RPS6KB1: variants seen among roughly 807,000 people sequenced by gnomAD.
RPS6KB1 encodes ribosomal protein S6 kinase beta-1.
RPS6KB1 carries 12 observed loss-of-function variants against 70.2 expected under a neutral mutation model. That is an observed-to-expected ratio of 0.17 (90% confidence interval 0.11 to 0.28). The LOEUF (loss-of-function observed/expected upper bound fraction) is 0.28. Among genes scored for constraint, RPS6KB1 ranks in the 10% least tolerant of loss-of-function variants. RPS6KB1 has a pLI of 1.00. For synonymous variants in RPS6KB1, 175 were observed against 211.2 expected, an observed-to-expected ratio of 0.83 and a Z score of 1.49; for missense variants, 270 against 646.6, an observed-to-expected ratio of 0.42 and a Z score of 6.32.
chr17:59,931,785 C>T (rs1476568347), intron 7 of RPS6KB1, 63 bp downstream of exon 7: 10 of 1,179,424 alleles, frequency 8.5e-6, no homozygotes, highest in East Asian at 7.2e-5. Flanking sequence ...CCACATAGGT[C>T]GTGGCCATTT....
At position 59,926,447 on chromosome 17, in the gene RPS6KB1, A is replaced by G; in HGVS notation, c.394A>G (p.Arg132Gly). The G allele has an allele frequency of 6.2e-7, 1 of 1,605,286 alleles. No individual in the cohort carries two copies. Among genetic ancestry groups the G allele is most frequent in the Non-Finnish European group, 8.5e-7 (1 of 1,174,306 alleles). Residue 132 changes from arginine (R) to glycine (G), a missense_variant, in exon 5 of 15, where the codon AGA becomes GGA. This residue lies in a region of RPS6KB1 where 44 missense variants were observed against 102.5 expected (regional missense o/e 0.43). Coordinates refer to ENST00000225577, the MANE Select transcript of RPS6KB1 (RefSeq NM_003161.4). The stretch of plus-strand genomic sequence containing the variant: ...TCTTTTCCTTTAGGCAATGATAGTA[A>G]GAAATGCTAAAGATACAGCTCATAC... ...MKVLKKAMIV[R>G]NAKDTAHTKA...
intron 13 of RPS6KB1, among the ~76,000 whole-genome samples, chr17:59,942,545 G>C (rs746275096): frequency 9.9e-5 from 15 of 151,430 alleles, no homozygotes; most frequent in Admixed American, 8.5e-4. Context: ...ATTTGTTTTT[G>C]GACTACTCTA....
chr17:59,910,613 T>C lies in RPS6KB1; in HGVS notation c.191+2T>C. 6.4e-7 allele frequency: 1 copy of C among 1,558,756 alleles called. No individual in the cohort carries two copies. ...TGGGGGAGTTGGACCATATGAACTG[T>C]AAGTTTATATGAAGAGATTTTCATT... On this transcript the variant is annotated splice_donor_variant, in intron 2 of 14. Coordinates refer to ENST00000225577, the MANE Select transcript of RPS6KB1 (RefSeq NM_003161.4). LOFTEE classifies it high-confidence loss of function.
At chr17:59,927,931 G>T (rs955981790) in intron 5 of RPS6KB1, among the ~76,000 whole-genome samples, 3 of 151,832 alleles carry the variant, frequency 2.0e-5, no homozygotes, top group Non-Finnish European at 4.4e-5. Context: ...AGGCCAAGGT[G>T]GGCGGATCAT....
intron 1 of RPS6KB1, among the ~76,000 whole-genome samples, chr17:59,896,755 T>G (rs1347947181): frequency 6.6e-6 from 1 of 152,062 alleles, no homozygotes; most frequent in Non-Finnish European, 1.5e-5. Context: ...AGGAAGAGAC[T>G]TCTGTAAAAT....
intron 7 of RPS6KB1, among the ~76,000 whole-genome samples, chr17:59,932,839 C>T (rs1159962450): frequency 6.6e-5 from 10 of 152,176 alleles, no homozygotes; most frequent in Non-Finnish European, 2.9e-5. Context: ...AGGCATAACC[C>T]ACCTTCCCCC....
Position 59,947,177 on chromosome 17 carries a change from T to C in RPS6KB1, c.*389T>C, listed in dbSNP as rs1218392820. ...ATTAGGCAAAGTACAAAATTGCCTATAATACTTGCAACTAAGGACAAATTA... is the reference window on the plus strand; with the variant it reads ...ATTAGGCAAAGTACAAAATTGCCTACAATACTTGCAACTAAGGACAAATTA... On this transcript the variant is annotated 3_prime_UTR_variant, in exon 15 of 15. Coordinates refer to ENST00000225577, the MANE Select transcript of RPS6KB1 (RefSeq NM_003161.4). 4 of 1,045,786 alleles carry C rather than the reference T, an allele frequency of 3.8e-6. No individual in the cohort carries two copies. Among genetic ancestry groups the C allele is most frequent in the Non-Finnish European group, 3.5e-6 (3 of 868,134 alleles). The allele number at this position is 1,045,786 out of a possible 1,614,324, so 64.8% of individuals were successfully genotyped here.
At chr17:59,919,561 G>T (rs752640602) in intron 4 of RPS6KB1, among the ~76,000 whole-genome samples, 1 of 152,062 alleles carries the variant, frequency 6.6e-6, no homozygotes, top group East Asian at 1.9e-4. Context: ...AAAGCATTCT[G>T]GAGCTGAGTG....
At chr17:59,909,381 C>T (rs1344472611) in intron 1 of RPS6KB1, among the ~76,000 whole-genome samples, 2 of 150,792 alleles carry the variant, frequency 1.3e-5, no homozygotes, top group South Asian at 2.1e-4. Flanking sequence ...AATTCTCCTG[C>T]CTCAGCCTCT....
At chr17:59,900,853 A>G (rs2041893209) in intron 1 of RPS6KB1, among the ~76,000 whole-genome samples, 2 of 151,674 alleles carry the variant, frequency 1.3e-5, no homozygotes, top group South Asian at 2.1e-4. Flanking sequence ...CATCACCAAA[A>G]TTAGGTTTTA....
At chr17:59,899,588 A>G (rs992668981) in intron 1 of RPS6KB1, among the ~76,000 whole-genome samples, 6 of 152,346 alleles carry the variant, frequency 3.9e-5, no homozygotes, top group African/African-American at 1.4e-4. Flanking sequence ...GTCTTTTGTC[A>G]TAAAAGTGAA....
At chr17:59,912,946 G>A (rs2042734678) in intron 3 of RPS6KB1, 142 bp downstream of exon 3, 1 of 887,134 alleles carries the variant, frequency 1.1e-6, no homozygotes, top group East Asian at 2.5e-5. Flanking sequence ...ATGTTTGAGG[G>A]ATGTACAGAA....
intron 1 of RPS6KB1, among the ~76,000 whole-genome samples, chr17:59,896,381 A>G (rs1417393923): frequency 6.6e-6 from 1 of 151,978 alleles, no homozygotes; most frequent in Non-Finnish European, 1.5e-5. Context: ...TTTAGTAGAG[A>G]CGGGGTTTCT....
intron 1 of RPS6KB1, among the ~76,000 whole-genome samples, chr17:59,895,318 CT>C (rs71145587): frequency 1.7e-3 from 179 of 106,274 alleles, no homozygotes; most frequent in African/African-American, 4.9e-3. Flanking sequence ...CTGCGCCTGG[CT>C]TTTTTTTTTT....
At chr17:59,945,138 GT>G (rs556724973) in intron 13 of RPS6KB1, 27 of 257,548 alleles carry the variant, frequency 1.0e-4, no homozygotes, top group Middle Eastern at 1.2e-3. Flanking sequence ...GAATTTTCCT[GT>G]TTTTTTTTCT....
At chr17:59,899,673 A>G (rs1175095342) in intron 1 of RPS6KB1, among the ~76,000 whole-genome samples, 5 of 152,316 alleles carry the variant, frequency 3.3e-5, no homozygotes, top group South Asian at 4.1e-4. Flanking sequence ...TATCCCACAC[A>G]TAAAAGAAAC....
intron 6 of RPS6KB1, 69 bp downstream of exon 6, chr17:59,930,243 A>C: frequency 1.1e-6 from 1 of 880,824 alleles, no homozygotes; most frequent in Non-Finnish European, 2.0e-6. Flanking sequence ...CACTATGGGC[A>C]GCCACATGAT....
chr17:59,915,474 C>CA (rs889640847), intron 4 of RPS6KB1, among the ~76,000 whole-genome samples: 40 of 150,492 alleles, frequency 2.7e-4, no homozygotes, highest in Non-Finnish European at 4.4e-4. Context: ...ACTGCCATCT[C>CA]TTTTTTTTTG....
chr17:59,941,697 G>A (rs1422411676), intron 13 of RPS6KB1, among the ~76,000 whole-genome samples: 3 of 147,386 alleles, frequency 2.0e-5, no homozygotes. Context: ...GCAGTGGCGC[G>A]ATCTCAGCTC....
Sources: allele counts gnomAD v4.1 joint callset (sites outside exome capture counted in the v4.1 genomes callset), GRCh38; gene constraint gnomAD v4.1.1; regional missense constraint gnomAD v4.1.1; transcripts MANE v1.5; gene names NCBI Gene and HGNC (gene_info 2026-07-23, HGNC 2026-07-21).